MAD1L1: variants seen among roughly 807,000 people sequenced by gnomAD.
MAD1L1 encodes the protein mitotic arrest deficient 1 like 1, also known as mitotic spindle assembly checkpoint protein MAD1.
MAD1L1 carries 95 observed loss-of-function variants against 96.9 expected under a neutral mutation model. That is an observed-to-expected ratio of 0.98 (90% CI 0.83 to 1.16). The LOEUF (loss-of-function observed/expected upper bound fraction) is 1.16, where lower values mean the gene tolerates loss of function less well. MAD1L1 is among the 50% of genes most tolerant of loss of function. The pLI is 0.00. For synonymous variants in MAD1L1, 473 were observed against 396.6 expected (o/e 1.19, Z -2.29); for missense variants, 1,007 against 954.4 (o/e 1.06, Z -0.73).
chr7:2,070,186 G>C (rs11772627), intron 11 of MAD1L1, among the ~76,000 whole-genome samples: 25,079 of 152,228 alleles, frequency 0.16, 2,567 homozygotes, highest in Middle Eastern at 0.31. Flanking sequence ...TGTCCTTCAG[G>C]AGCTGACTTG....
intron 18 of MAD1L1, among the ~76,000 whole-genome samples, chr7:1,865,387 G>A (rs974568034): frequency 6.6e-6 from 1 of 152,236 alleles, no homozygotes; most frequent in East Asian, 1.9e-4. Context: ...CAGCCCCGGG[G>A]CATCCCAGCC....
chr7:2,064,333 C>G (rs1163743156), intron 12 of MAD1L1, among the ~76,000 whole-genome samples: 1 of 152,098 alleles, frequency 6.6e-6, no homozygotes, highest in Non-Finnish European at 1.5e-5. Flanking sequence ...AGAGGAGGCC[C>G]TGGCAGAGTC....
chr7:1,946,789 C>T (rs926359623), intron 16 of MAD1L1, among the ~76,000 whole-genome samples: 6 of 152,236 alleles, frequency 3.9e-5, no homozygotes, highest in African/African-American at 1.4e-4. Context: ...TCAGACAAAG[C>T]GGTCTTGGAG....
intron 13 of MAD1L1, 22 bp from the exon 14 acceptor site, chr7:2,002,143 G>A (rs769356029): frequency 5.6e-6 from 9 of 1,611,534 alleles, no homozygotes; most frequent in Middle Eastern, 1.7e-4. Flanking sequence ...GACAGGATTC[G>A]GCCTGAGACT....
chr7:2,094,327 C>T (rs1024226674), intron 11 of MAD1L1, among the ~76,000 whole-genome samples: 1 of 152,198 alleles, frequency 6.6e-6, no homozygotes, highest in South Asian at 2.1e-4. Context: ...GAACGGGACA[C>T]GCACTCACCC....
At chr7:1,962,054 C>CCGTTCTCA (rs1264270663) in intron 15 of MAD1L1, among the ~76,000 whole-genome samples, 1 of 151,654 alleles carries the variant, frequency 6.6e-6, no homozygotes, top group Non-Finnish European at 1.5e-5. Context: ...TTCCCCCATA[C>CCGTTCTCA]CGTTCTCACG....
At chr7:2,221,736 G>A (rs1377179270) in intron 5 of MAD1L1, among the ~76,000 whole-genome samples, 1 of 152,216 alleles carries the variant, frequency 6.6e-6, no homozygotes, top group South Asian at 2.1e-4. Flanking sequence ...CTTGCAGACA[G>A]TCAAAGATAT....
In MAD1L1 at chr7:2,043,314, C is replaced by T. The variant is rs567481508; in HGVS notation, c.1218+25880G>A. 3.3e-5 allele frequency among the ~76,000 whole-genome samples: 5 copies of T among 152,326 alleles called. No individual in the cohort carries two copies. In the South Asian group the frequency reaches 6.2e-4, roughly 19 times the overall value. ...TCTCCTGTGGTTCCCCTCCTGACAG[C>T]GCAGTGCAGTGCGGCAGACACCCCT... On this transcript the variant is annotated intron_variant, in intron 12 of 18. Coordinates refer to ENST00000265854, the MANE Select transcript of MAD1L1 (RefSeq NM_001013836.2).
chr7:1,963,516 G>C (rs529241728), intron 15 of MAD1L1, among the ~76,000 whole-genome samples: 1 of 152,318 alleles, frequency 6.6e-6, no homozygotes, highest in African/African-American at 2.4e-5. Context: ...GGGTGTATGT[G>C]TGTGTACATG....
chr7:2,086,075 C>T lies in MAD1L1; in HGVS notation c.1074-16737G>A, dbSNP rs565932672. On this transcript the variant is annotated intron_variant, in intron 11 of 18. Coordinates refer to ENST00000265854, the MANE Select transcript of MAD1L1 (RefSeq NM_001013836.2). ...CCCTGCCCGGGAGGACTCCACGCTG[C>T]GGGGGAGGACGGCAAGACCCGTCAC... Among the ~76,000 whole-genome samples the T allele has an allele frequency of 1.9e-4, 29 of 152,268 alleles. No individual in the cohort carries two copies. The South Asian group carries it at 5.8e-3, about 30-fold the overall frequency.
intron 10 of MAD1L1, among the ~76,000 whole-genome samples, chr7:2,185,985 A>T (rs1791442887): frequency 6.6e-6 from 1 of 152,236 alleles, no homozygotes; most frequent in Non-Finnish European, 1.5e-5. Flanking sequence ...GGCAGGAAGC[A>T]CTGTCATCTG....
At position 2,117,708 on chromosome 7, in the gene MAD1L1, C is replaced by T. The variant is rs558284108; in HGVS notation, c.1073+31444G>A. On this transcript the variant is annotated intron_variant, in intron 11 of 18. Transcript: ENST00000265854. ...CTGAGGCCTCCCCAGCCATGATAAACTGTGAGTTAATTAAACCTTTTTCCT... is the reference window on the plus strand; with the variant it reads ...CTGAGGCCTCCCCAGCCATGATAAATTGTGAGTTAATTAAACCTTTTTCCT... Among the ~76,000 whole-genome samples the T allele has an allele frequency of 1.0e-3, 156 of 152,296 alleles. 1 individual carries two copies. The highest frequency in any genetic ancestry group is 3.6e-3 in the African/African-American group (150 of 41,546).
At chr7:1,827,066 A>T (rs1266248529) in intron 18 of MAD1L1, among the ~76,000 whole-genome samples, 20 of 152,106 alleles carry the variant, frequency 1.3e-4, no homozygotes, top group Non-Finnish European at 2.4e-4. Flanking sequence ...AGGGGAGCCG[A>T]GGGAGTGGGG....
At chr7:2,033,972 T>C (rs1180393546) in intron 12 of MAD1L1, among the ~76,000 whole-genome samples, 1 of 152,102 alleles carries the variant, frequency 6.6e-6, no homozygotes, top group Non-Finnish European at 1.5e-5. Context: ...GGCATGCACC[T>C]ATAGTCCCAG....
chr7:2,228,742 AT>A (rs1402240028), intron 3 of MAD1L1, among the ~76,000 whole-genome samples: 11 of 104,538 alleles, frequency 1.1e-4, no homozygotes, highest in Admixed American at 2.8e-4. Context: ...AGCAACTAGC[AT>A]TCTTTTTTTT....
At chr7:1,904,455 T>A (rs1787489273) in intron 17 of MAD1L1, among the ~76,000 whole-genome samples, 2 of 138,654 alleles carry the variant, frequency 1.4e-5, no homozygotes, top group African/African-American at 6.2e-5. Flanking sequence ...GCGGAACTCA[T>A]AATTGATCAA....
At chr7:2,048,660 C>T (rs1784038997) in intron 12 of MAD1L1, among the ~76,000 whole-genome samples, 1 of 152,180 alleles carries the variant, frequency 6.6e-6, no homozygotes, top group Admixed American at 6.5e-5. Flanking sequence ...CCAAAAAGTC[C>T]CCCTCCGCCC....
intron 12 of MAD1L1, among the ~76,000 whole-genome samples, chr7:2,051,764 C>T (rs1264126514): frequency 7.1e-6 from 1 of 141,772 alleles, no homozygotes; most frequent in Non-Finnish European, 1.6e-5. Flanking sequence ...CCACCCCCAC[C>T]AGCTGCCCTG....
intron 12 of MAD1L1, among the ~76,000 whole-genome samples, chr7:2,043,958 G>A (rs1239326920): frequency 6.6e-6 from 1 of 152,216 alleles, no homozygotes; most frequent in Non-Finnish European, 1.5e-5. Flanking sequence ...CGTGACTCAA[G>A]CACAGATGGG....
Sources: gnomAD v4.1 joint callset for allele counts (sites outside exome capture counted in the v4.1 genomes callset) on GRCh38, gnomAD v4.1.1 for gene constraint, MANE v1.5 for transcripts, NCBI Gene and HGNC (gene_info 2026-07-23, HGNC 2026-07-21) for gene names.